Variants in DEDD2 observed in about 807,000 individuals in gnomAD.
DEDD2 encodes the protein DNA-binding death effector domain-containing protein 2.
In DEDD2, 18 loss-of-function variants were observed where a neutral mutation model predicts 28.9. The observed-to-expected ratio is 0.62, with a 90% CI of 0.43 to 0.92. The LOEUF (loss-of-function observed/expected upper bound fraction) is 0.92. Ranked by LOEUF, DEDD2 falls within the 40% of genes least tolerant of loss-of-function variation. The pLI is 0.00. For synonymous variants in DEDD2, 211 were observed against 206.1 expected, an observed-to-expected ratio of 1.02 and a Z score of -0.20; for missense variants, 411 against 463.3, an observed-to-expected ratio of 0.89 and a Z score of 1.04.
intron 2 of DEDD2, among the ~76,000 whole-genome samples, chr19:42,215,804 G>A (rs1266649396): frequency 6.6e-6 from 1 of 152,114 alleles, no homozygotes; most frequent in Non-Finnish European, 1.5e-5. Flanking sequence ...CCGGCAGCCT[G>A]AACCCCTCCC....
intron 3 of DEDD2, 51 bp downstream of exon 3, chr19:42,215,082 T>C (rs1455327980): frequency 1.2e-6 from 2 of 1,606,996 alleles, no homozygotes. Context: ...ATGGGCACAA[T>C]TCATAAGGAA....
At chr19:42,212,608 GTGCACATCACCA>G (rs1356381143) in intron 3 of DEDD2, among the ~76,000 whole-genome samples, 3 of 151,796 alleles carry the variant, frequency 2.0e-5, no homozygotes, top group Non-Finnish European at 4.4e-5. Flanking sequence ...GGGACTACAC[GTGCACATCACCA>G]TGCCAGGCTA....
chr19:42,214,183 C>G (rs2035873901), intron 3 of DEDD2, among the ~76,000 whole-genome samples: 1 of 152,170 alleles, frequency 6.6e-6, no homozygotes, highest in Admixed American at 6.5e-5. Flanking sequence ...GGCCAGGGCG[C>G]AGTGGCTCAA....
chr19:42,205,017 G>A (rs565507060), intron 4 of DEDD2, among the ~76,000 whole-genome samples: 9 of 152,294 alleles, frequency 5.9e-5, no homozygotes, highest in South Asian at 2.1e-4. Flanking sequence ...CCTCAGAAGC[G>A]GGATTGAGGA....
chr19:42,215,083 T>C (rs751817824), intron 3 of DEDD2, 50 bp downstream of exon 3: 19 of 1,607,192 alleles, frequency 1.2e-5, no homozygotes, highest in Non-Finnish European at 1.6e-5. Flanking sequence ...TGGGCACAAT[T>C]CATAAGGAAA....
chr19:42,215,075 G>C, intron 3 of DEDD2, 58 bp downstream of exon 3: 1 of 1,602,900 alleles, frequency 6.2e-7, no homozygotes, highest in South Asian at 1.1e-5. Context: ...TTCCTTGATG[G>C]GCACAATTCA....
chr19:42,216,894 G>A lies in DEDD2; in HGVS notation c.114C>T (p.Thr38=), dbSNP rs745707120. 3 of 1,598,932 alleles carry A rather than the reference G, an allele frequency of 1.9e-6. No homozygotes were observed. The highest frequency in any genetic ancestry group is 1.1e-5 in the South Asian group (1 of 88,786). Residue 38 remains threonine (T), a synonymous_variant, in exon 2 of 5, where the codon ACC becomes ACT. Coordinates refer to ENST00000596251, the MANE Select transcript of DEDD2 (RefSeq NM_133328.4). The part of the protein sequence containing the change: ...RMFEVVGGQL[T]ECELELLAFL... ...AGGCCAGGAGCTCCAGCTCGCACTC[G>A]GTCAGTTGCCCGCCCACCACCTCGA...
In DEDD2 at chr19:42,199,294, G is replaced by T; in HGVS notation, c.*144C>A. 8 of 1,216,392 alleles carry T rather than the reference G, an allele frequency of 6.6e-6. No individual in the cohort carries two copies. Among genetic ancestry groups the T allele is most frequent in the Non-Finnish European group, 6.7e-6 (6 of 901,886 alleles). 75.3% of individuals were successfully genotyped at this position (1,216,392 alleles called of 1,614,324 possible). On this transcript the variant is annotated 3_prime_UTR_variant, in exon 5 of 5. Coordinates refer to ENST00000596251, the MANE Select transcript of DEDD2 (RefSeq NM_133328.4). This position sits in a 1 kb window ranked among gnomAD's most constrained non-coding sequence, Gnocchi z 7.4. ...CTCAGAGCCCACATCCTGTGGGAGG[G>T]GCTGTCAAGGGGCCTGCTGTCCCGG...
intron 2 of DEDD2, among the ~76,000 whole-genome samples, chr19:42,215,521 G>A (rs1259382121): frequency 6.6e-6 from 1 of 152,196 alleles, no homozygotes; most frequent in Non-Finnish European, 1.5e-5. Context: ...CCCTGTAATG[G>A]CCCTTTGCCC....
chr19:42,208,949 G>A (rs1002445177), intron 4 of DEDD2, among the ~76,000 whole-genome samples: 10 of 152,194 alleles, frequency 6.6e-5, no homozygotes, highest in Non-Finnish European at 8.8e-5. Context: ...TGGAAACTGA[G>A]GTGGATGGCT....
chr19:42,205,590 G>A (rs554007161), intron 4 of DEDD2, among the ~76,000 whole-genome samples: 138 of 151,984 alleles, frequency 9.1e-4, no homozygotes, highest in African/African-American at 3.2e-3. Flanking sequence ...TCACGTCATT[G>A]CACTCCAGCC....
chr19:42,219,760 A>G (rs576485455), upstream of DEDD2, among the ~76,000 whole-genome samples: 3 of 152,342 alleles, frequency 2.0e-5, no homozygotes, highest in South Asian at 6.2e-4. Flanking sequence ...AATCAAACGA[A>G]GAGTAGGGAG....
chr19:42,217,217 A>G (rs1013199980), intron 1 of DEDD2, among the ~76,000 whole-genome samples, 172 bp from the exon 2 acceptor site: 1 of 151,602 alleles, frequency 6.6e-6, no homozygotes, highest in African/African-American at 2.4e-5. Flanking sequence ...GAGGTCCCCT[A>G]AGAACAGGTC....
intron 3 of DEDD2, among the ~76,000 whole-genome samples, chr19:42,210,136 T>C (rs1309584192): frequency 6.6e-6 from 1 of 152,100 alleles, no homozygotes; most frequent in East Asian, 1.9e-4. Flanking sequence ...CACCAGGGCA[T>C]TGTTTATCAT....
Position 42,199,135 on chromosome 19 carries a change from G to C in DEDD2, c.*303C>G, listed in dbSNP as rs1291660544. Reference sequence around the variant, plus strand: ...AAGATCAGAGATACAATGTGCAGGGGGGCCTTTGGTGAGTGTGTAGCTGTG... The same window carrying C: ...AAGATCAGAGATACAATGTGCAGGGCGGCCTTTGGTGAGTGTGTAGCTGTG... On this transcript the variant is annotated 3_prime_UTR_variant, in exon 5 of 5. Transcript: ENST00000596251. The surrounding 1 kb of genome is among the most constrained non-coding windows in gnomAD (Gnocchi z 7.4). 1.2e-5 allele frequency: 5 copies of C among 429,764 alleles called. No homozygotes were observed. The highest frequency in any genetic ancestry group is 1.0e-4 in the South Asian group (3 of 29,408). The allele number at this position is 429,764 out of a possible 1,614,324, so 26.6% of individuals were successfully genotyped here.
chr19:42,211,258 G>T (rs2035749492), intron 3 of DEDD2, among the ~76,000 whole-genome samples: 1 of 151,906 alleles, frequency 6.6e-6, no homozygotes. Context: ...GGTAGCACGT[G>T]CCTGTAGTCC....
In DEDD2 at chr19:42,207,266, G is replaced by A; in HGVS notation, c.589+2434C>T. ...TATCTGCTGCCTCATCTACAAAGCA[G>A]GCATGATGCCCACTCCCTGGAGGGC... On this transcript the variant is annotated intron_variant, in intron 4 of 4. Coordinates refer to ENST00000596251, the MANE Select transcript of DEDD2 (RefSeq NM_133328.4). Among the ~76,000 whole-genome samples the A allele has an allele frequency of 1.3e-5, 2 of 152,212 alleles. 1 individual carries two copies. The highest frequency in any genetic ancestry group is 2.9e-5 in the Non-Finnish European group (2 of 68,032).
intron 4 of DEDD2, among the ~76,000 whole-genome samples, chr19:42,205,393 G>T (rs1316070336): frequency 2.6e-5 from 4 of 152,152 alleles, no homozygotes; most frequent in Non-Finnish European, 5.9e-5. Context: ...ACTTTGGGAG[G>T]CCCAGGCGGG....
intron 4 of DEDD2, among the ~76,000 whole-genome samples, chr19:42,202,631 C>A (rs1385866611): frequency 6.6e-6 from 1 of 152,164 alleles, no homozygotes; most frequent in East Asian, 1.9e-4. Flanking sequence ...GACACAAGAA[C>A]CTTGCCACAA....
Sources: gnomAD v4.1 joint callset for allele counts (sites outside exome capture counted in the v4.1 genomes callset) on GRCh38, gnomAD v4.1.1 for gene constraint, Gnocchi (gnomAD v3.1) non-coding constraint, MANE v1.5 for transcripts, NCBI Gene and HGNC (gene_info 2026-07-23, HGNC 2026-07-21) for gene names.